The following PAPPA variants were observed in gnomAD, a reference collection of about 807,000 sequenced individuals.
The protein encoded by PAPPA is pappalysin-1.
In PAPPA, 60 loss-of-function variants were observed where a neutral mutation model predicts 164.0. The observed-to-expected ratio is 0.37, with a 90% CI of 0.30 to 0.45. PAPPA has a LOEUF of 0.45. Ranked by LOEUF, PAPPA falls within the 20% of genes least tolerant of loss-of-function variation. PAPPA has a pLI of 1.00. For missense variants in PAPPA, 1,782 were observed against 2,087.3 expected, an observed-to-expected ratio of 0.85 and a Z score of 2.85; for synonymous variants, 875 against 814.1, an observed-to-expected ratio of 1.07 and a Z score of -1.27.
At chr9:116,264,561 C>T (rs1845043783) in intron 7 of PAPPA, among the ~76,000 whole-genome samples, 1 of 152,180 alleles carries the variant, frequency 6.6e-6, no homozygotes, top group Non-Finnish European at 1.5e-5. Flanking sequence ...ATTGCCCCTG[C>T]ACCTGTTATC....
chr9:116,287,639 T>G (rs1845356637), intron 9 of PAPPA: 1 of 152,228 alleles, frequency 6.6e-6, no homozygotes, highest in African/African-American at 2.4e-5. Context: ...GGCAACCACT[T>G]TCAATTTTAG....
intron 1 of PAPPA, among the ~76,000 whole-genome samples, chr9:116,175,089 T>G (rs1843817120): frequency 1.3e-5 from 2 of 152,202 alleles, no homozygotes; most frequent in South Asian, 4.1e-4. Flanking sequence ...CCTAACTCCC[T>G]GTTACTCCTT....
chr9:116,239,255 A>G (rs1448526198), intron 7 of PAPPA, among the ~76,000 whole-genome samples: 3 of 152,170 alleles, frequency 2.0e-5, no homozygotes, highest in Non-Finnish European at 4.4e-5. Context: ...GAACATCTCC[A>G]TCTCCCTTAA....
chr9:116,227,242 G>T lies in PAPPA; in HGVS notation c.2112-189G>T, dbSNP rs572154332. On this transcript the variant is annotated intron_variant, in intron 5 of 21. Transcript: ENST00000328252. ...CAGAAGCCACTTAGGCTCAAACGAG[G>T]TTCTTGCTGGGCAATGGGGAGGCAT... Among the ~76,000 whole-genome samples, 40 of 152,306 alleles carry T rather than the reference G, an allele frequency of 2.6e-4. 1 individual carries two copies. In the South Asian group the frequency reaches 7.9e-3, roughly 30 times the overall value.
chr9:116,192,961 A>C (rs1393544250), intron 2 of PAPPA, among the ~76,000 whole-genome samples: 3 of 152,166 alleles, frequency 2.0e-5, no homozygotes, highest in Non-Finnish European at 2.9e-5. Context: ...GGACCCTTCC[A>C]AACCCTGGCA....
chr9:116,245,184 G>C (rs955989281), intron 7 of PAPPA, among the ~76,000 whole-genome samples: 3 of 151,914 alleles, frequency 2.0e-5, no homozygotes, highest in Non-Finnish European at 4.4e-5. Flanking sequence ...GGGGGTGGAT[G>C]ATGGGCAATT....
intron 3 of PAPPA, 115 bp from the exon 4 acceptor site, chr9:116,211,524 G>A: frequency 1.2e-6 from 1 of 828,170 alleles, no homozygotes; most frequent in African/African-American, 1.7e-5. Flanking sequence ...GTCCTAGGGT[G>A]GAGAAGCTTG....
chr9:116,190,605 C>G (rs943310101), intron 2 of PAPPA, among the ~76,000 whole-genome samples: 1 of 152,178 alleles, frequency 6.6e-6, no homozygotes, highest in Non-Finnish European at 1.5e-5. Flanking sequence ...AGTGGCGCTA[C>G]TAAAGTTTTG....
At chr9:116,265,821 G>A in intron 7 of PAPPA, 36 bp from the exon 8 acceptor site, 2 of 1,553,586 alleles carry the variant, frequency 1.3e-6, no homozygotes, top group South Asian at 2.3e-5. Context: ...GCCCAGTATT[G>A]TAATTGTATA....
chr9:116,365,907 C>T (rs1266188914), intron 18 of PAPPA, among the ~76,000 whole-genome samples: 1 of 152,144 alleles, frequency 6.6e-6, no homozygotes, highest in African/African-American at 2.4e-5. Flanking sequence ...AGATGTGGCT[C>T]TCTCCTCACC....
Position 116,231,760 on chromosome 9 carries a change from C to CTTTTTTTTT in PAPPA, c.2234-3374_2234-3373insTTTTTTTTT, listed in dbSNP as rs1470170244. On this transcript the variant is annotated intron_variant, in intron 6 of 21. Coordinates refer to ENST00000328252, the MANE Select transcript of PAPPA (RefSeq NM_002581.5). ...TAAACAGTGGTTTTTCTTTTCTTTT[C>CTTTTTTTTT]TTTTTCTTTTTTTTTTTTGAGATGG... 4.6e-3 allele frequency among the ~76,000 whole-genome samples: 13 copies of CTTTTTTTTT among 2,822 alleles called. 2 individuals carry two copies. Among genetic ancestry groups the CTTTTTTTTT allele is most frequent in the African/African-American group, 0.017 (13 of 760 alleles). 1.9% of individuals were successfully genotyped at this position (2,822 alleles called of 152,430 possible).
intron 9 of PAPPA, among the ~76,000 whole-genome samples, chr9:116,285,171 C>CTT: frequency 0.055 from 4,916 of 89,276 alleles, 345 homozygotes; most frequent in South Asian, 0.075. Flanking sequence ...TTCTTTCTTT[C>CTT]TTTTTTTTTT....
chr9:116,232,020 C>A, intron 6 of PAPPA, among the ~76,000 whole-genome samples: 1 of 152,148 alleles, frequency 6.6e-6, no homozygotes, highest in South Asian at 2.1e-4. Context: ...TCCCAAAGTG[C>A]TGGGATTACA....
intron 1 of PAPPA, among the ~76,000 whole-genome samples, chr9:116,181,589 T>C (rs1843905750): frequency 6.6e-6 from 1 of 152,166 alleles, no homozygotes; most frequent in South Asian, 2.1e-4. Flanking sequence ...TGAAATTTGG[T>C]GGAACACAAT....
At chr9:116,251,199 C>T (rs1844855993) in intron 7 of PAPPA, among the ~76,000 whole-genome samples, 2 of 152,270 alleles carry the variant, frequency 1.3e-5, no homozygotes, top group Middle Eastern at 3.4e-3. Context: ...TACAAAATAG[C>T]GTTTTGATGA....
intron 1 of PAPPA, among the ~76,000 whole-genome samples, chr9:116,161,047 C>A (rs979925346): frequency 6.6e-6 from 1 of 152,132 alleles, no homozygotes; most frequent in South Asian, 2.1e-4. Flanking sequence ...CGGGAGAAGC[C>A]GTTGGCTGAG....
chr9:116,207,365 C>T (rs1182306611), intron 2 of PAPPA, 91 bp from the exon 3 acceptor site: 9 of 1,017,602 alleles, frequency 8.8e-6, no homozygotes, highest in South Asian at 7.3e-5. Context: ...TAGCAAAATG[C>T]CTGGCACTCA....
intron 20 of PAPPA, among the ~76,000 whole-genome samples, chr9:116,379,094 C>T (rs947675026): frequency 3.3e-5 from 5 of 152,302 alleles, no homozygotes; most frequent in African/African-American, 1.2e-4. Context: ...GTCTGGGCAA[C>T]CAGTGTGACA....
At position 116,371,254 on chromosome 9, in the gene PAPPA, T is replaced by C. The variant is rs374021130; in HGVS notation, c.4605+3500T>C. 2.1e-4 allele frequency among the ~76,000 whole-genome samples: 32 copies of C among 152,236 alleles called. No homozygotes were observed. In the East Asian group the frequency reaches 5.8e-3, roughly 28 times the overall value. ...CAACATGGTGAAACCCCGTCTCTACTAAAAATACAAAAATTAGGCGAGCAT... is the reference window on the plus strand; with the variant it reads ...CAACATGGTGAAACCCCGTCTCTACCAAAAATACAAAAATTAGGCGAGCAT... On this transcript the variant is annotated intron_variant, in intron 19 of 21. Coordinates refer to ENST00000328252, the MANE Select transcript of PAPPA (RefSeq NM_002581.5).
Sources: gnomAD v4.1 joint callset for allele counts (sites outside exome capture counted in the v4.1 genomes callset) on GRCh38, gnomAD v4.1.1 for gene constraint, MANE v1.5 for transcripts, NCBI Gene and HGNC (gene_info 2026-07-23, HGNC 2026-07-21) for gene names.